Variants in CNTNAP2 observed in about 807,000 individuals in gnomAD.
CNTNAP2 encodes the protein contactin-associated protein-like 2.
Under a neutral mutation model 155.2 loss-of-function variants are expected in CNTNAP2, and 98 were observed. That is an observed-to-expected ratio of 0.63 (90% CI 0.54 to 0.75). CNTNAP2 has a LOEUF of 0.75. Among genes scored for constraint, CNTNAP2 ranks in the 30% least tolerant of loss-of-function variants. CNTNAP2 has a pLI of 0.00. For synonymous variants in CNTNAP2, 651 were observed against 631.2 expected, an observed-to-expected ratio of 1.03 and a Z score of -0.47; for missense variants, 1,727 against 1,688.1, an observed-to-expected ratio of 1.02 and a Z score of -0.40.
intron 15 of CNTNAP2, among the ~76,000 whole-genome samples, chr7:148,061,882 G>C: frequency 1.1e-5 from 1 of 90,340 alleles, no homozygotes; most frequent in Non-Finnish European, 2.2e-5. Context: ...AACAGATATA[G>C]ATAGATAGAT....
chr7:146,922,994 A>C (rs1796535335), intron 3 of CNTNAP2, among the ~76,000 whole-genome samples: 1 of 152,200 alleles, frequency 6.6e-6, no homozygotes, highest in Non-Finnish European at 1.5e-5. Context: ...AAATGTTTTC[A>C]ATCACATTTT....
chr7:147,140,974 G>T (rs186731403), intron 8 of CNTNAP2, among the ~76,000 whole-genome samples: 1 of 152,248 alleles, frequency 6.6e-6, no homozygotes, highest in Admixed American at 6.5e-5. Flanking sequence ...CTACTGCTAA[G>T]ATTATGATGA....
At chr7:147,871,709 T>A (rs1458737476) in intron 13 of CNTNAP2, among the ~76,000 whole-genome samples, 1 of 151,784 alleles carries the variant, frequency 6.6e-6, no homozygotes, top group Non-Finnish European at 1.5e-5. Context: ...CATTCTTGAG[T>A]TCATTCCTGC....
intron 1 of CNTNAP2, among the ~76,000 whole-genome samples, chr7:146,555,824 G>GGAAGAAC (rs1297042623): frequency 6.6e-6 from 1 of 152,070 alleles, no homozygotes; most frequent in East Asian, 1.9e-4. Flanking sequence ...TGGGTGACCT[G>GGAAGAAC]GAAGAACATG....
At chr7:146,450,181 G>T (rs1796458491) in intron 1 of CNTNAP2, among the ~76,000 whole-genome samples, 1 of 152,062 alleles carries the variant, frequency 6.6e-6, no homozygotes, top group Non-Finnish European at 1.5e-5. Context: ...TTAATAACAT[G>T]AACTTTGAGC....
At chr7:147,191,177 G>C (rs1267014277) in intron 8 of CNTNAP2, among the ~76,000 whole-genome samples, 1 of 152,080 alleles carries the variant, frequency 6.6e-6, no homozygotes, top group Non-Finnish European at 1.5e-5. Flanking sequence ...AGATTCTGTG[G>C]ATTAGAAACC....
chr7:146,990,914 C>G (rs945050774), intron 3 of CNTNAP2, among the ~76,000 whole-genome samples: 1 of 152,006 alleles, frequency 6.6e-6, no homozygotes, highest in South Asian at 2.1e-4. Context: ...GCTGGAGTGT[C>G]GTGCCATAGT....
intron 8 of CNTNAP2, among the ~76,000 whole-genome samples, chr7:147,218,514 G>C (rs1370346711): frequency 1.3e-5 from 2 of 148,738 alleles, no homozygotes; most frequent in Non-Finnish European, 3.0e-5. Context: ...TATTTAGAAT[G>C]GTTTTCATTG....
At chr7:146,530,057 A>T (rs1190676805) in intron 1 of CNTNAP2, among the ~76,000 whole-genome samples, 1 of 152,144 alleles carries the variant, frequency 6.6e-6, no homozygotes, top group Non-Finnish European at 1.5e-5. Context: ...ACAAAAGGAA[A>T]CTTTATAATG....
At chr7:148,208,520 T>C (rs1297624925) in intron 18 of CNTNAP2, among the ~76,000 whole-genome samples, 1 of 152,076 alleles carries the variant, frequency 6.6e-6, no homozygotes, top group Non-Finnish European at 1.5e-5. Flanking sequence ...AAAGAGCCAA[T>C]GCCTTACAGA....
At chr7:146,248,100 T>C (rs1050030976) in intron 1 of CNTNAP2, among the ~76,000 whole-genome samples, 2 of 148,040 alleles carry the variant, frequency 1.4e-5, no homozygotes, top group Admixed American at 6.7e-5. Flanking sequence ...AAATAAGGGG[T>C]CGGGGCACAG....
intron 21 of CNTNAP2, among the ~76,000 whole-genome samples, chr7:148,342,905 G>A (rs956286736): frequency 6.6e-6 from 1 of 152,264 alleles, no homozygotes; most frequent in Non-Finnish European, 1.5e-5. Flanking sequence ...ACAATGGGAA[G>A]TTGCCTTCCA....
At chr7:146,951,167 T>C (rs985908014) in intron 3 of CNTNAP2, among the ~76,000 whole-genome samples, 1 of 152,222 alleles carries the variant, frequency 6.6e-6, no homozygotes, top group African/African-American at 2.4e-5. Flanking sequence ...TAAATTTGCT[T>C]AAGTTCCTTG....
intron 1 of CNTNAP2, among the ~76,000 whole-genome samples, chr7:146,721,233 ATATACTCTCTC>A (rs1422427079): frequency 0.014 from 1,752 of 126,404 alleles, 36 homozygotes; most frequent in East Asian, 0.057. Flanking sequence ...TATATTCTCT[ATATACTCTCTC>A]TATATTCTCT....
intron 21 of CNTNAP2, among the ~76,000 whole-genome samples, chr7:148,285,449 A>G (rs1158427629): frequency 1.3e-5 from 2 of 152,234 alleles, no homozygotes. Context: ...GCCTTATTCC[A>G]TTGTCTTTTA....
At chr7:147,249,604 T>TAAAAAAAAAAAAAAAA (rs755601249) in intron 8 of CNTNAP2, among the ~76,000 whole-genome samples, 33 of 70,004 alleles carry the variant, frequency 4.7e-4, no homozygotes, top group African/African-American at 1.7e-3. Context: ...ACATTGGAGG[T>TAAAAAAAAAAAAAAAA]AAAAAAAAAA....
At chr7:148,225,383 G>A (rs1795826592) in intron 19 of CNTNAP2, among the ~76,000 whole-genome samples, 1 of 152,154 alleles carries the variant, frequency 6.6e-6, no homozygotes, top group Non-Finnish European at 1.5e-5. Context: ...GCCATGCAGA[G>A]ACCTGGGGAA....
chr7:147,639,113 A>T lies in CNTNAP2; in HGVS notation c.1905A>T (p.Lys635Asn), dbSNP rs1554415956. ...LKVYCNMTED[K>N]VWTIVSHDLQ... ...TTGTTTTTCTCCCCACAGAGGACAA[A>T]GTGTGGACCATAGTGTCTCATGACT... Residue 635 changes from lysine to asparagine, a missense_variant, in exon 13 of 24, where the codon AAA (lysine) becomes AAT (asparagine). Lys to Asn is a moderately conservative substitution (Grantham distance 94). Coordinates refer to ENST00000361727, the MANE Select transcript of CNTNAP2 (RefSeq NM_014141.6). 6.2e-7 allele frequency: 1 copy of T among 1,614,106 alleles called. No homozygotes were observed. The highest frequency in any genetic ancestry group is 1.1e-5 in the South Asian group (1 of 91,078).
intron 9 of CNTNAP2, among the ~76,000 whole-genome samples, chr7:147,341,887 C>T (rs1466304562): frequency 6.6e-6 from 1 of 152,086 alleles, no homozygotes. Context: ...TAAGTATATA[C>T]ATTAAGAACT....
Sources: gnomAD v4.1 joint callset for allele counts (sites outside exome capture counted in the v4.1 genomes callset) on GRCh38, gnomAD v4.1.1 for gene constraint, MANE v1.5 for transcripts, NCBI Gene and HGNC (gene_info 2026-07-23, HGNC 2026-07-21) for gene names.